SHROOM3: variants seen among roughly 807,000 people sequenced by gnomAD.
SHROOM3 encodes the protein shroom family member 3.
A neutral mutation model predicts 138.6 loss-of-function variants in SHROOM3; 47 were observed. The ratio of observed to expected loss-of-function variants is 0.34; its 90% CI spans 0.27 to 0.43. The LOEUF is 0.43. Ranked by LOEUF, SHROOM3 falls within the 20% of genes least tolerant of loss-of-function variation. The probability of loss-of-function intolerance (pLI) is 1.00; values close to 1 mark genes in which losing one functional copy is unlikely to be tolerated. For synonymous variants in SHROOM3, 1,062 were observed against 1,063.3 expected (o/e 1.00, Z 0.02); for missense variants, 2,491 against 2,596.5 (o/e 0.96, Z 0.88).
intron 1 of SHROOM3, among the ~76,000 whole-genome samples, chr4:76,459,014 G>A (rs572799494): frequency 6.6e-6 from 1 of 152,280 alleles, no homozygotes; most frequent in Non-Finnish European, 1.5e-5. Flanking sequence ...GCAGGGGGGC[G>A]GGGATTGGAA....
At chr4:76,573,208 C>T (rs550486598) in intron 2 of SHROOM3, among the ~76,000 whole-genome samples, 1 of 151,800 alleles carries the variant, frequency 6.6e-6, no homozygotes, top group Admixed American at 6.6e-5. Context: ...CCAGATTTAA[C>T]AATTAAAAAT....
At chr4:76,454,209 A>G (rs1174612455) in intron 1 of SHROOM3, among the ~76,000 whole-genome samples, 4 of 151,940 alleles carry the variant, frequency 2.6e-5, no homozygotes, top group African/African-American at 4.8e-5. Flanking sequence ...ACACCTGACT[A>G]ATTTTTGTAT....
At chr4:76,672,858 G>C (rs1438153283) in intron 2 of SHROOM3, among the ~76,000 whole-genome samples, 1 of 152,144 alleles carries the variant, frequency 6.6e-6, no homozygotes, top group Non-Finnish European at 1.5e-5. Flanking sequence ...GGGTATGGTG[G>C]CTCATGCCCG....
At chr4:76,709,130 G>A (rs1456431757) in intron 2 of SHROOM3, among the ~76,000 whole-genome samples, 3 of 152,174 alleles carry the variant, frequency 2.0e-5, no homozygotes, top group Non-Finnish European at 2.9e-5. Flanking sequence ...TCCGTTCTGT[G>A]TTCCAGGAAA....
intron 2 of SHROOM3, among the ~76,000 whole-genome samples, chr4:76,658,652 A>C (rs1389785203): frequency 1.3e-5 from 2 of 150,970 alleles, no homozygotes; most frequent in Non-Finnish European, 3.0e-5. Context: ...ACCCTTCCAA[A>C]CCCCCTCCCA....
intron 1 of SHROOM3, among the ~76,000 whole-genome samples, chr4:76,519,273 C>T (rs550321432): frequency 6.6e-6 from 1 of 152,180 alleles, no homozygotes; most frequent in African/African-American, 2.4e-5. Flanking sequence ...CTCTAGGGGT[C>T]AGGGAGTAGT....
At chr4:76,596,566 A>AGATAG (rs1734389817) in intron 2 of SHROOM3, among the ~76,000 whole-genome samples, 1 of 146,042 alleles carries the variant, frequency 6.8e-6, no homozygotes, top group Admixed American at 7.1e-5. Flanking sequence ...ATAGGTAGGT[A>AGATAG]GATAGGTACA....
At chr4:76,634,218 T>A (rs1735426152) in intron 2 of SHROOM3, among the ~76,000 whole-genome samples, 1 of 152,168 alleles carries the variant, frequency 6.6e-6, no homozygotes, top group South Asian at 2.1e-4. Context: ...TTTGTTGCCT[T>A]TATTGTTTTT....
intron 1 of SHROOM3, among the ~76,000 whole-genome samples, chr4:76,487,896 T>A (rs1297074927): frequency 2.0e-5 from 3 of 152,246 alleles, no homozygotes; most frequent in Non-Finnish European, 2.9e-5. Flanking sequence ...TTGGCCTTTT[T>A]GCATTTCATT....
intron 10 of SHROOM3, among the ~76,000 whole-genome samples, chr4:76,773,672 G>A (rs954776526): frequency 2.6e-4 from 40 of 152,240 alleles, no homozygotes; most frequent in African/African-American, 6.5e-4. Context: ...CCACCAACTC[G>A]AAGCCTGGCA....
chr4:76,735,119 T>C (rs1359468256), intron 4 of SHROOM3, among the ~76,000 whole-genome samples: 1 of 152,108 alleles, frequency 6.6e-6, no homozygotes, highest in Non-Finnish European at 1.5e-5. Context: ...GCTGGAGAAG[T>C]AGCCAGACCA....
intron 2 of SHROOM3, among the ~76,000 whole-genome samples, chr4:76,672,419 CAAA>C (rs35488837): frequency 0.011 from 1,414 of 127,228 alleles, 9 homozygotes; most frequent in South Asian, 0.021. Context: ...AATTAGGGAC[CAAA>C]AAAAAAAAAA....
At chr4:76,668,968 GC>G (rs1381977999) in intron 2 of SHROOM3, among the ~76,000 whole-genome samples, 1 of 152,186 alleles carries the variant, frequency 6.6e-6, no homozygotes, top group East Asian at 1.9e-4. Flanking sequence ...AAAGTAACTG[GC>G]ATATGTGCAC....
chr4:76,610,356 T>C (rs1734736066), intron 2 of SHROOM3, among the ~76,000 whole-genome samples: 1 of 152,228 alleles, frequency 6.6e-6, no homozygotes, highest in South Asian at 2.1e-4. Flanking sequence ...ATTTTGAATT[T>C]CCTAAAAAGT....
At chr4:76,463,897 T>C (rs1731193367) in intron 1 of SHROOM3, among the ~76,000 whole-genome samples, 1 of 152,224 alleles carries the variant, frequency 6.6e-6, no homozygotes, top group South Asian at 2.1e-4. Flanking sequence ...AGAGTGTGTA[T>C]GGAAATTCCT....
intron 1 of SHROOM3, among the ~76,000 whole-genome samples, chr4:76,539,790 A>G (rs1733060817): frequency 6.6e-6 from 1 of 152,222 alleles, no homozygotes; most frequent in Admixed American, 6.5e-5. Context: ...ATGTAAGACA[A>G]GTAAACAAAT....
At chr4:76,481,429 GA>G (rs933434208) in intron 1 of SHROOM3, among the ~76,000 whole-genome samples, 5 of 151,922 alleles carry the variant, frequency 3.3e-5, no homozygotes, top group African/African-American at 1.2e-4. Context: ...ACTAAACCAG[GA>G]AGAAGTTGAA....
In SHROOM3 at chr4:76,553,954, C is replaced by G. The variant is rs144937541; in HGVS notation, c.169-1655C>G. ...GATACATTTATTACAACTGATGAAC[C>G]TACATGGACATCTCCTGTCACCCAT... is the stretch of plus-strand genomic sequence containing the variant. On this transcript the variant is annotated intron_variant, in intron 1 of 10. Coordinates refer to ENST00000296043, the MANE Select transcript of SHROOM3 (RefSeq NM_020859.4). 1.0e-3 allele frequency among the ~76,000 whole-genome samples: 154 copies of G among 152,286 alleles called. 1 individual carries two copies. Among genetic ancestry groups the G allele is most frequent in the Middle Eastern group, 6.8e-3 (2 of 294 alleles).
Position 76,466,541 on chromosome 4 carries a change from G to A in SHROOM3, c.168+30321G>A, listed in dbSNP as rs942087319. On this transcript the variant is annotated intron_variant, in intron 1 of 10. Transcript: ENST00000296043. ...AGTGTCTGTACGCCTCAGGTAACAA[G>A]TCACTGCCAACTCTGTAATACGTTT... Among the ~76,000 whole-genome samples, 6 of 152,320 alleles carry A rather than the reference G, an allele frequency of 3.9e-5. No homozygotes were observed. The East Asian group carries it at 1.2e-3, about 29-fold the overall frequency.
Sources: allele counts gnomAD v4.1 joint callset (sites outside exome capture counted in the v4.1 genomes callset), GRCh38; gene constraint gnomAD v4.1.1; transcripts MANE v1.5; gene names NCBI Gene and HGNC (gene_info 2026-07-23, HGNC 2026-07-21).